The following PRKCH variants were observed in gnomAD, a reference collection of about 807,000 sequenced individuals.
PRKCH encodes protein kinase C eta type.
PRKCH carries 28 observed loss-of-function variants against 82.5 expected under a neutral mutation model. The observed-to-expected ratio is 0.34, with a 90% CI of 0.25 to 0.47. The LOEUF (loss-of-function observed/expected upper bound fraction) is 0.47, where lower values mean the gene tolerates loss of function less well. PRKCH is among the 20% of genes least tolerant of loss of function. The pLI, the probability that PRKCH is intolerant of heterozygous loss-of-function variation, is 1.00. For missense variants in PRKCH, 705 were observed against 881.8 expected (o/e 0.80, Z 2.54); for synonymous variants, 322 against 327.4 (o/e 0.98, Z 0.18).
chr14:61,362,340 T>TAAAAAAAA, intron 1 of PRKCH, among the ~76,000 whole-genome samples: 1 of 125,524 alleles, frequency 8.0e-6, no homozygotes, highest in Non-Finnish European at 1.7e-5. Context: ...CATCTTGTCT[T>TAAAAAAAA]AAAAAAAAAA....
At chr14:61,395,291 C>CA (rs1555383077) in intron 2 of PRKCH, among the ~76,000 whole-genome samples, 11 of 3,550 alleles carry the variant, frequency 3.1e-3, no homozygotes, top group South Asian at 0.036. Flanking sequence ...GGAAATGGAG[C>CA]CCCCCCCCGC....
intron 9 of PRKCH, among the ~76,000 whole-genome samples, chr14:61,467,774 T>C (rs1278963828): frequency 1.3e-5 from 2 of 152,216 alleles, no homozygotes; most frequent in African/African-American, 4.8e-5. Flanking sequence ...CCCTAGCATA[T>C]GTCCTAGGTG....
chr14:61,329,976 G>A (rs548272500), intron 1 of PRKCH, among the ~76,000 whole-genome samples: 1 of 152,172 alleles, frequency 6.6e-6, no homozygotes, highest in Non-Finnish European at 1.5e-5. Flanking sequence ...TATTTGAAAT[G>A]CCAAGCCCTA....
At chr14:61,541,516 A>G (rs2043184684) in intron 12 of PRKCH, among the ~76,000 whole-genome samples, 1 of 152,250 alleles carries the variant, frequency 6.6e-6, no homozygotes, top group African/African-American at 2.4e-5. Flanking sequence ...CTAACTTGCC[A>G]GCATTAGCTG....
rs12372858 is a variant in PRKCH at position 61,454,171 on chromosome 14, T to C, written c.960+818T>C. Among the ~76,000 whole-genome samples the C allele has an allele frequency of 0.019, 2,837 of 151,972 alleles. 191 individuals carry two copies. The East Asian group carries it at 0.26, about 14-fold the overall frequency. Reference sequence around the variant, plus strand: ...TCACCCAGCCTGGAGTGCAGTGATATTCGCTCACTGCAACCTCCACCTCCC... The same window carrying C: ...TCACCCAGCCTGGAGTGCAGTGATACTCGCTCACTGCAACCTCCACCTCCC... On this transcript the variant is annotated intron_variant, in intron 7 of 13. Transcript: ENST00000332981.
intron 5 of PRKCH, among the ~76,000 whole-genome samples, chr14:61,449,816 G>T (rs1231920676): frequency 1.3e-5 from 2 of 151,280 alleles, no homozygotes; most frequent in Non-Finnish European, 2.9e-5. Flanking sequence ...TAAAAAGATT[G>T]CTGGCTTTCT....
intron 1 of PRKCH, chr14:61,281,795 C>T (rs1340368852): frequency 6.4e-6 from 1 of 156,454 alleles, no homozygotes; most frequent in African/African-American, 2.5e-5. Flanking sequence ...AGCTTTCAGT[C>T]TCAAGTTGGG....
chr14:61,408,689 A>G (rs780321688), intron 2 of PRKCH, among the ~76,000 whole-genome samples: 3 of 152,198 alleles, frequency 2.0e-5, no homozygotes, highest in African/African-American at 7.2e-5. Flanking sequence ...GATGCAGACT[A>G]TGTTCCCACC....
At chr14:61,468,897 T>C (rs117289426) in intron 9 of PRKCH, among the ~76,000 whole-genome samples, 4,193 of 152,212 alleles carry the variant, frequency 0.028, 84 homozygotes, top group Non-Finnish European at 0.04. Flanking sequence ...TTGGTTATGG[T>C]TTTCCTGGAC....
intron 1 of PRKCH, among the ~76,000 whole-genome samples, chr14:61,221,719 G>T (rs2044657343): frequency 6.6e-6 from 1 of 151,994 alleles, no homozygotes; most frequent in Non-Finnish European, 1.5e-5. Flanking sequence ...TCTTTGGAAG[G>T]GTGACATCCT....
chr14:61,325,004 G>T (rs1242470589), intron 1 of PRKCH, among the ~76,000 whole-genome samples: 1 of 152,118 alleles, frequency 6.6e-6, no homozygotes, highest in African/African-American at 2.4e-5. Flanking sequence ...TTAGCTGTAG[G>T]TTATGGATGA....
Position 61,418,277 on chromosome 14 carries a change from T to C in PRKCH, c.428-24834T>C, listed in dbSNP as rs189943673. Among the ~76,000 whole-genome samples, 208 of 152,378 alleles carry C rather than the reference T, an allele frequency of 1.4e-3. 1 individual carries two copies. The highest frequency in any genetic ancestry group is 4.8e-3 in the African/African-American group (200 of 41,596). ...CATTCATTCAGTATTAAGTCCCTCA[T>C]GGGCCAGGCTCTAGCCTGTGTCCTG... On this transcript the variant is annotated intron_variant, in intron 2 of 13. Transcript: ENST00000332981.
rs370527742 is a variant in PRKCH, at chr14:61,473,892, T to C, written c.1279-11610T>C. Reference sequence around the variant, plus strand: ...CCTGTAATCCCAGCTACTCAGGAGGTTGAGGCAGGGAGAATCGCTTGCACC... The same window carrying C: ...CCTGTAATCCCAGCTACTCAGGAGGCTGAGGCAGGGAGAATCGCTTGCACC... On this transcript the variant is annotated intron_variant, in intron 9 of 13. Transcript: ENST00000332981. Among the ~76,000 whole-genome samples, 26 of 151,820 alleles carry C rather than the reference T, an allele frequency of 1.7e-4. No individual in the cohort carries two copies. The East Asian group carries it at 4.9e-3, about 28-fold the overall frequency.
chr14:61,522,878 G>A (rs2042923208), intron 10 of PRKCH, among the ~76,000 whole-genome samples: 1 of 152,242 alleles, frequency 6.6e-6, no homozygotes, highest in South Asian at 2.1e-4. Context: ...CTCGTGTCAG[G>A]TGATGCATGA....
chr14:61,289,396 A>T (rs1258377233), intron 1 of PRKCH, among the ~76,000 whole-genome samples: 5 of 152,208 alleles, frequency 3.3e-5, no homozygotes, highest in Non-Finnish European at 5.9e-5. Context: ...CCTAGAATAC[A>T]TGAGGGTCAT....
chr14:61,416,960 G>T (rs1157622987), intron 2 of PRKCH, among the ~76,000 whole-genome samples: 3 of 152,168 alleles, frequency 2.0e-5, no homozygotes, highest in African/African-American at 7.2e-5. Context: ...TTGTGCCTTT[G>T]TCCTCAGGTG....
intron 2 of PRKCH, among the ~76,000 whole-genome samples, chr14:61,416,621 CT>C (rs1186667082): frequency 1.3e-5 from 2 of 152,090 alleles, no homozygotes; most frequent in Admixed American, 6.5e-5. Context: ...ACAACACCCC[CT>C]AACCTCTTCC....
intron 9 of PRKCH, among the ~76,000 whole-genome samples, chr14:61,462,775 C>A (rs1324923903): frequency 6.6e-6 from 1 of 151,808 alleles, no homozygotes; most frequent in Non-Finnish European, 1.5e-5. Context: ...GGTGTTGGAG[C>A]CACTCTACCT....
chr14:61,237,685 C>T (rs1441575989), intron 1 of PRKCH, among the ~76,000 whole-genome samples: 1 of 152,166 alleles, frequency 6.6e-6, no homozygotes, highest in African/African-American at 2.4e-5. Flanking sequence ...GACCCAGAAA[C>T]CTGGAACTTT....
Sources: gnomAD v4.1 joint callset for allele counts (sites outside exome capture counted in the v4.1 genomes callset) on GRCh38, gnomAD v4.1.1 for gene constraint, MANE v1.5 for transcripts, NCBI Gene and HGNC (gene_info 2026-07-23, HGNC 2026-07-21) for gene names.